The following NPAS1 variants were observed in gnomAD, a reference collection of about 807,000 sequenced individuals.
NPAS1 encodes neuronal PAS domain-containing protein 1.
A neutral mutation model predicts 49.2 loss-of-function variants in NPAS1; 29 were observed. The observed-to-expected ratio is 0.59, with a 90% confidence interval of 0.44 to 0.80. The LOEUF (loss-of-function observed/expected upper bound fraction) is 0.80, where lower values mean the gene tolerates loss of function less well. Among genes scored for constraint, NPAS1 ranks in the 30% least tolerant of loss-of-function variants. The pLI, the probability that NPAS1 is intolerant of heterozygous loss-of-function variation, is 0.00. For synonymous variants in NPAS1, 408 were observed against 380.4 expected (o/e 1.07, Z -0.84); for missense variants, 825 against 835.5 (o/e 0.99, Z 0.15).
rs1437196511 is a variant in NPAS1 at position 47,036,038 on chromosome 19, G to C, written c.597G>C (p.Gly199=). 1.9e-6 allele frequency: 3 copies of C among 1,605,474 alleles called. No individual in the cohort carries two copies. Among genetic ancestry groups the C allele is most frequent in the South Asian group, 1.1e-5 (1 of 89,794 alleles). ...ACTCAGAGGTGCTGGAGCAACTGGGGCTGCGGACGCCGACGCCCGGCCCCC... is the reference window on the plus strand; with the variant it reads ...ACTCAGAGGTGCTGGAGCAACTGGGCCTGCGGACGCCGACGCCCGGCCCCC... ...GDHSEVLEQL[G]LRTPTPGPPT... Residue 199 remains glycine (G), a synonymous_variant, in exon 6 of 12, where the codon GGG becomes GGC. Coordinates refer to ENST00000602212, the MANE Select transcript of NPAS1 (RefSeq NM_002517.4).
At chr19:47,042,689 G>A in intron 10 of NPAS1, 121 bp from the exon 11 acceptor site, 1 of 696,918 alleles carries the variant, frequency 1.4e-6, no homozygotes, top group South Asian at 2.2e-5. Flanking sequence ...AGTGCCTCAG[G>A]GTGGGGACTC....
intron 3 of NPAS1, among the ~76,000 whole-genome samples, chr19:47,025,855 A>G (rs534324580): frequency 2.6e-5 from 4 of 152,176 alleles, no homozygotes; most frequent in South Asian, 2.1e-4. Flanking sequence ...GATTACAGGT[A>G]TGAGCCACTG....
chr19:47,039,383 T>C, intron 7 of NPAS1, 24 bp from the exon 8 acceptor site: 1 of 1,610,946 alleles, frequency 6.2e-7, no homozygotes, highest in Non-Finnish European at 8.5e-7. Flanking sequence ...TTGTCCCTCC[T>C]CCAACCATGC....
chr19:47,045,269 A>G lies in NPAS1; in HGVS notation c.1391A>G (p.Lys464Arg), dbSNP rs914300827. ...EAPQTQGKRI[K>R]VEPGPRETKG... ...CCCCAGACCCAGGGCAAACGCATCA[A>G]AGTGGAGCCCGGCCCGAGGGAAACC... Residue 464 changes from lysine to arginine, a missense_variant, in exon 12 of 12, where the codon AAA becomes AGA. By Grantham distance (26) the Lys-to-Arg change is conservative (BLOSUM62 2). Transcript: ENST00000602212. The G allele has an allele frequency of 3.7e-6, 6 of 1,613,884 alleles. No homozygotes were observed. Among genetic ancestry groups the G allele is most frequent in the African/African-American group, 1.3e-5 (1 of 74,922 alleles).
In NPAS1 at chr19:47,039,054, T is replaced by C. The variant is rs1398210965; in HGVS notation, c.707T>C (p.Val236Ala). The C allele has an allele frequency of 1.9e-6, 3 of 1,614,056 alleles. No individual in the cohort carries two copies. Among genetic ancestry groups the C allele is most frequent in the East Asian group, 2.2e-5 (1 of 44,870 alleles). ...GTCCCAGAGGCCAGCCTCACCAAGG[T>C]GCCCCCCTCCTCCCTGGTCCAGGAG... ...TPEIEASLTK[V>A]PPSSLVQERS... The change falls in exon 7 of 12, where the codon GTG (valine) becomes GCG (alanine). Residue 236 changes from valine (V) to alanine (A), a missense_variant. Transcript: ENST00000602212.
At chr19:47,025,686 T>A (rs2056867094) in intron 3 of NPAS1, among the ~76,000 whole-genome samples, 1 of 149,962 alleles carries the variant, frequency 6.7e-6, no homozygotes, top group South Asian at 2.1e-4. Flanking sequence ...AGAGTTCCTC[T>A]CACTTCAGCC....
In NPAS1 at chr19:47,021,479, C is replaced by G; in HGVS notation, c.123-133C>G. On this transcript the variant is annotated intron_variant, in intron 2 of 11. Coordinates refer to ENST00000602212, the MANE Select transcript of NPAS1 (RefSeq NM_002517.4). The surrounding 1 kb of genome is among the most constrained non-coding windows in gnomAD (Gnocchi z 5.7). ...AAATCCACACTCCGGTCTGCTCCCA[C>G]CTCCAGAGATGTGGAATCCACTCCC... is the stretch of plus-strand genomic sequence containing the variant. 1 of 616,896 alleles carries G rather than the reference C, an allele frequency of 1.6e-6. No homozygotes were observed. The allele number at this position is 616,896 out of a possible 1,614,324, so 38.2% of individuals were successfully genotyped here. A position where few individuals can be genotyped will look rare whatever the true frequency, so the allele number is the denominator to read the frequency against.
chr19:47,032,199 T>G, intron 3 of NPAS1, 79 bp from the exon 4 acceptor site: 1 of 1,325,888 alleles, frequency 7.5e-7, no homozygotes, highest in East Asian at 2.3e-5. Flanking sequence ...GAGAGGGAGG[T>G]TTGTAGACTG....
chr19:47,039,354 T>G (rs2056993938), intron 7 of NPAS1, 53 bp from the exon 8 acceptor site: 3 of 1,602,054 alleles, frequency 1.9e-6, no homozygotes, highest in South Asian at 1.1e-5. Flanking sequence ...GATGGTCCTC[T>G]TGCCCCCACT....
Position 47,040,985 on chromosome 19 carries a change from C to T in NPAS1, c.1077C>T (p.Asp359=), listed in dbSNP as rs1467949101. 2.0e-6 allele frequency: 3 copies of T among 1,496,612 alleles called. No individual in the cohort carries two copies. The highest frequency in any genetic ancestry group is 2.8e-5 in the African/African-American group (2 of 72,246). 92.7% of individuals were successfully genotyped at this position (1,496,612 alleles called of 1,614,324 possible). A position where few individuals can be genotyped will look rare whatever the true frequency, so the allele number is the denominator to read the frequency against. Residue 359 remains aspartate (D), a synonymous_variant, in exon 10 of 12, where the codon GAC becomes GAT. Transcript: ENST00000602212. ...TCCCTGGGCTGGGCCCAGTGCTGGACAAGGGTCAGGTGATGACTGGTTACT... is the reference window on the plus strand; with the variant it reads ...TCCCTGGGCTGGGCCCAGTGCTGGATAAGGGTCAGGTGATGACTGGTTACT... ...RIRQSHVDLL[D]KGQVMTGYYR... is the part of the protein sequence containing the mutation.
chr19:47,039,477 C>G lies in NPAS1; in HGVS notation c.875C>G (p.Pro292Arg). 1 of 1,610,314 alleles carries G rather than the reference C, an allele frequency of 6.2e-7. No homozygotes were observed. Among genetic ancestry groups the G allele is most frequent in the South Asian group, 1.1e-5 (1 of 90,710 alleles). Reference protein sequence around the residue: ...GLVALGHTLPPAPLAELPLHG... With the variant: ...GLVALGHTLPRAPLAELPLHG... ...GTGGCCCTCGGGCACACGTTGCCCCCGGCCCCCCTGGCTGAGCTGCCACTC... is the reference window on the plus strand; with the variant it reads ...GTGGCCCTCGGGCACACGTTGCCCCGGGCCCCCCTGGCTGAGCTGCCACTC... The change falls in exon 8 of 12, where the codon CCG becomes CGG. Residue 292 changes from proline (P) to arginine (R), a missense_variant. Coordinates refer to ENST00000602212, the MANE Select transcript of NPAS1 (RefSeq NM_002517.4).
Position 47,019,891 on chromosome 19 carries a change from C to G in NPAS1, c.-149C>G. 1 of 362,830 alleles carries G rather than the reference C, an allele frequency of 2.8e-6. No individual in the cohort carries two copies. The highest frequency in any genetic ancestry group is 4.0e-5 in the East Asian group (1 of 24,736). 22.5% of individuals were successfully genotyped at this position (362,830 alleles called of 1,614,324 possible). A position where few individuals can be genotyped will look rare whatever the true frequency, so the allele number is the denominator to read the frequency against. On this transcript the variant is annotated 5_prime_UTR_variant, in exon 1 of 12. Transcript: ENST00000602212. ...ACAGCCCGCGCGTCCCGCTGCGCCC[C>G]GCGCGCCCCGGGGTCTATGGAGCTG...
chr19:47,038,957 G>C lies in NPAS1; in HGVS notation c.689-79G>C, dbSNP rs558883418. 1.6e-5 allele frequency: 20 copies of C among 1,219,920 alleles called. No homozygotes were observed. The Middle Eastern group carries it at 7.5e-4, about 46-fold the overall frequency. 75.6% of individuals were successfully genotyped at this position (1,219,920 alleles called of 1,614,324 possible). ...CAGCGGACATCTTGTGTCTATGTCC[G>C]GCTGGCTCTGCAAGGGTCAGGGTGG... On this transcript the variant is annotated intron_variant, in intron 6 of 11. Coordinates refer to ENST00000602212, the MANE Select transcript of NPAS1 (RefSeq NM_002517.4).
chr19:47,035,923 GCA>G (rs1447758795), intron 5 of NPAS1, 39 bp from the exon 6 acceptor site: 1 of 1,468,288 alleles, frequency 6.8e-7, no homozygotes, highest in Non-Finnish European at 9.0e-7. Context: ...TACTGCGCGC[GCA>G]CCTCACCCGC....
At position 47,041,137 on chromosome 19, in the gene NPAS1, G is replaced by T; in HGVS notation, c.1217+12G>T. 4 of 1,563,114 alleles carry T rather than the reference G, an allele frequency of 2.6e-6. No individual in the cohort carries two copies. Among genetic ancestry groups the T allele is most frequent in the Non-Finnish European group, 3.4e-6 (4 of 1,161,764 alleles). ...AGCCACGTGCTCAGGTGAGGGCTGT[G>T]CCCACCCCTCCTGCAGGGCACTCAG... On this transcript the variant is annotated intron_variant, in intron 10 of 11. Transcript: ENST00000602212.
Position 47,036,066 on chromosome 19 carries a change from A to T in NPAS1, c.625A>T (p.Thr209Ser), listed in dbSNP as rs1478160592. 1.3e-6 allele frequency: 2 copies of T among 1,598,226 alleles called. No homozygotes were observed. Among genetic ancestry groups the T allele is most frequent in the South Asian group, 2.3e-5 (2 of 88,640 alleles). ...GCGGACGCCGACGCCCGGCCCCCCAACCCCGCCCTCCGTCTCCTCTTCCTC... is the reference window on the plus strand; with the variant it reads ...GCGGACGCCGACGCCCGGCCCCCCATCCCCGCCCTCCGTCTCCTCTTCCTC... ...GLRTPTPGPP[T>S]PPSVSSSSSS... The change falls in exon 6 of 12, where the codon ACC becomes TCC. Residue 209 changes from threonine to serine, a missense_variant. Thr to Ser is a moderately conservative substitution (Grantham distance 58, BLOSUM62 1). Transcript: ENST00000602212.
intron 3 of NPAS1, among the ~76,000 whole-genome samples, chr19:47,030,597 T>C (rs1183770707): frequency 6.6e-6 from 1 of 151,002 alleles, no homozygotes; most frequent in Admixed American, 6.6e-5. Flanking sequence ...CCCAAAGTGC[T>C]GAGATCACAG....
In NPAS1 at chr19:47,021,826, GC is replaced by G; in HGVS notation, c.338del (p.Ala113GlyfsTer41). ...GGCGCCGCCCTGGGGGCTGAGAGCCGCGGGGCCGCCAGCTGGCCTCGGTGAG... is the reference window on the plus strand; with the variant it reads ...GGCGCCGCCCTGGGGGCTGAGAGCCGGGGGCCGCCAGCTGGCCTCGGTGAG... ...LGAPPWGLRA[A>X]GPPAGLAPGR... On this transcript the variant is annotated frameshift_variant, in exon 3 of 12. Transcript: ENST00000602212. LOFTEE classifies it high-confidence loss of function. The surrounding 1 kb of genome is among the most constrained non-coding windows in gnomAD (Gnocchi z 5.7). The G allele has an allele frequency of 6.6e-7, 1 of 1,508,890 alleles. No individual in the cohort carries two copies. Among genetic ancestry groups the G allele is most frequent in the Non-Finnish European group, 8.8e-7 (1 of 1,132,924 alleles). The allele number at this position is 1,508,890 out of a possible 1,614,324, so 93.5% of individuals were successfully genotyped here.
intron 3 of NPAS1, among the ~76,000 whole-genome samples, chr19:47,026,875 A>AC: frequency 6.6e-6 from 1 of 151,812 alleles, no homozygotes; most frequent in East Asian, 1.9e-4. Context: ...AATCACGTGA[A>AC]CCAGGAGGCA....
Sources: gnomAD v4.1 joint callset for allele counts (sites outside exome capture counted in the v4.1 genomes callset) on GRCh38, gnomAD v4.1.1 for gene constraint, Gnocchi (gnomAD v3.1) non-coding constraint, MANE v1.5 for transcripts, NCBI Gene and HGNC (gene_info 2026-07-23, HGNC 2026-07-21) for gene names.